Variants in CTNND2 observed in about 807,000 individuals in gnomAD.
CTNND2 encodes catenin delta 2.
CTNND2 carries 22 observed loss-of-function variants against 144.4 expected under a neutral mutation model. The observed-to-expected ratio is 0.15, with a 90% CI of 0.11 to 0.22. The LOEUF (loss-of-function observed/expected upper bound fraction) is 0.22, where lower values mean the gene tolerates loss of function less well. CTNND2 is among the 10% of genes least tolerant of loss of function. The pLI is 1.00. For synonymous variants in CTNND2, 751 were observed against 695.6 expected (o/e 1.08, Z -1.25); for missense variants, 1,353 against 1,618.8 (o/e 0.84, Z 2.82).
chr5:11,582,459 C>T (rs954654902), intron 2 of CTNND2, among the ~76,000 whole-genome samples: 1 of 152,078 alleles, frequency 6.6e-6, no homozygotes, highest in East Asian at 1.9e-4. Context: ...GGAGAACGAC[C>T]GTCACTGAAC....
At chr5:11,012,018 A>G (rs852621) in intron 18 of CTNND2, among the ~76,000 whole-genome samples, 122,107 of 152,168 alleles carry the variant, frequency 0.8, 49,591 homozygotes, top group African/African-American at 0.93. Context: ...TGAAATCCTC[A>G]GATCCAAACC....
rs16901693 is a variant in CTNND2 at position 11,509,498 on chromosome 5, A to C, written c.287+55446T>G. On this transcript the variant is annotated intron_variant, in intron 3 of 21. Transcript: ENST00000304623. Reference sequence around the variant, plus strand: ...GCAAAAAAACTGAATAATGAAAAAAAGGAAAGTAGGAGGGTTAAAGAGCGG... The same window carrying C: ...GCAAAAAAACTGAATAATGAAAAAACGGAAAGTAGGAGGGTTAAAGAGCGG... Among the ~76,000 whole-genome samples the C allele has an allele frequency of 6.6e-3, 1,000 of 152,358 alleles. 8 individuals are homozygous for C. The highest frequency in any genetic ancestry group is 0.023 in the African/African-American group (942 of 41,590).
At chr5:11,522,803 A>G (rs1429395252) in intron 3 of CTNND2, among the ~76,000 whole-genome samples, 4 of 152,196 alleles carry the variant, frequency 2.6e-5, no homozygotes, top group African/African-American at 7.2e-5. Flanking sequence ...TTTTTCTTGA[A>G]CGATGAAGGG....
At chr5:11,030,747 GGTTTCT>G (rs1743362178) in intron 16 of CTNND2, among the ~76,000 whole-genome samples, 2 of 130,330 alleles carry the variant, frequency 1.5e-5, no homozygotes, top group Non-Finnish European at 3.3e-5. Flanking sequence ...TTTCAGCTAT[GGTTTCT>G]GTTTTTTTTT....
intron 9 of CTNND2, among the ~76,000 whole-genome samples, chr5:11,291,101 G>A (rs1748299104): frequency 1.3e-5 from 2 of 152,128 alleles, no homozygotes; most frequent in Admixed American, 6.5e-5. Context: ...GTTACTGCTT[G>A]GTGCTGTCCT....
At chr5:11,286,537 G>A (rs190391631) in intron 9 of CTNND2, among the ~76,000 whole-genome samples, 14 of 152,298 alleles carry the variant, frequency 9.2e-5, no homozygotes, top group East Asian at 1.9e-4. Context: ...ACTCTCACTC[G>A]AAGCCAACAG....
chr5:11,410,338 T>C lies in CTNND2; in HGVS notation c.439+1198A>G, dbSNP rs894353109. 3.3e-5 allele frequency among the ~76,000 whole-genome samples: 5 copies of C among 152,158 alleles called. No individual in the cohort carries two copies. In the East Asian group the frequency reaches 9.6e-4, roughly 29 times the overall value. ...CAATGTTATCCTAACAGTAATGGTA[T>C]TACAAAGATTATAGAGAAAATGAGC... On this transcript the variant is annotated intron_variant, in intron 5 of 21. Coordinates refer to ENST00000304623, the MANE Select transcript of CTNND2 (RefSeq NM_001332.4).
intron 1 of CTNND2, among the ~76,000 whole-genome samples, chr5:11,757,945 G>T (rs1436071405): frequency 6.6e-6 from 1 of 152,016 alleles, no homozygotes; most frequent in South Asian, 2.1e-4. Flanking sequence ...TACAGTCTCA[G>T]AAGTGTAGTC....
At chr5:11,300,158 C>A (rs547671258) in intron 9 of CTNND2, among the ~76,000 whole-genome samples, 25 of 152,138 alleles carry the variant, frequency 1.6e-4, no homozygotes, top group Admixed American at 3.3e-4. Context: ...ACCCTCAGAT[C>A]CCTTCCATGG....
chr5:11,710,555 A>G (rs77073829), intron 2 of CTNND2, among the ~76,000 whole-genome samples: 1 of 151,932 alleles, frequency 6.6e-6, no homozygotes, highest in African/African-American at 2.4e-5. Flanking sequence ...AAAAAAAAAA[A>G]AAGACAGAAA....
chr5:11,387,850 AT>A (rs1435304438), intron 6 of CTNND2, among the ~76,000 whole-genome samples: 2 of 152,218 alleles, frequency 1.3e-5, no homozygotes, highest in African/African-American at 4.8e-5. Flanking sequence ...GTCGGTATTC[AT>A]TCTAATATTT....
chr5:11,167,205 AAG>A (rs1487885542), intron 11 of CTNND2, among the ~76,000 whole-genome samples: 6 of 152,170 alleles, frequency 3.9e-5, no homozygotes, highest in Admixed American at 2.0e-4. Context: ...GTGGGAGGTG[AAG>A]AGAGAGAATT....
intron 16 of CTNND2, among the ~76,000 whole-genome samples, chr5:11,069,103 T>C (rs1264779711): frequency 1.3e-5 from 2 of 152,214 alleles, no homozygotes; most frequent in African/African-American, 2.4e-5. Context: ...GCTAGGCATA[T>C]TGGGGCTTTC....
intron 14 of CTNND2, among the ~76,000 whole-genome samples, chr5:11,103,050 TG>T (rs1752069775): frequency 6.8e-6 from 1 of 146,254 alleles, no homozygotes; most frequent in African/African-American, 2.6e-5. Context: ...GGCACAATCT[TG>T]GCTCACTGCA....
chr5:11,654,311 G>C (rs2126546309), intron 2 of CTNND2, among the ~76,000 whole-genome samples: 1 of 152,164 alleles, frequency 6.6e-6, no homozygotes, highest in African/African-American at 2.4e-5. Context: ...TCAACCTGTA[G>C]ATCACTTTGG....
chr5:11,797,762 T>A (rs1181243096), intron 1 of CTNND2, among the ~76,000 whole-genome samples: 1 of 152,234 alleles, frequency 6.6e-6, no homozygotes, highest in African/African-American at 2.4e-5. Context: ...TTTATTTATC[T>A]TCTTGTATCT....
At chr5:11,630,549 T>G (rs186133317) in intron 2 of CTNND2, among the ~76,000 whole-genome samples, 2 of 152,320 alleles carry the variant, frequency 1.3e-5, no homozygotes, top group East Asian at 3.9e-4. Context: ...CTACTTTGGT[T>G]TGGTAACTTA....
At chr5:11,703,874 A>C (rs2126676586) in intron 2 of CTNND2, among the ~76,000 whole-genome samples, 1 of 152,334 alleles carries the variant, frequency 6.6e-6, no homozygotes, top group East Asian at 1.9e-4. Context: ...TTAGTAACTA[A>C]AATAGTTAAG....
chr5:11,033,880 G>C (rs1462171903), intron 16 of CTNND2, among the ~76,000 whole-genome samples: 5 of 152,130 alleles, frequency 3.3e-5, no homozygotes, highest in Admixed American at 1.3e-4. Context: ...TTATTTCAAG[G>C]AAAAACACAA....
Sources: allele counts gnomAD v4.1 joint callset (sites outside exome capture counted in the v4.1 genomes callset), GRCh38; gene constraint gnomAD v4.1.1; transcripts MANE v1.5; gene names NCBI Gene and HGNC (gene_info 2026-07-23, HGNC 2026-07-21).